The following SOX5 variants were observed in gnomAD, a reference collection of about 807,000 sequenced individuals.
SOX5 encodes transcription factor SOX-5.
In SOX5, 9 loss-of-function variants were observed where a neutral mutation model predicts 92.0. The observed-to-expected ratio is 0.10, with a 90% CI of 0.06 to 0.17. SOX5 has a LOEUF of 0.17. SOX5 is among the 10% of genes least tolerant of loss of function. The probability of loss-of-function intolerance (pLI) is 1.00; values close to 1 mark genes in which losing one functional copy is unlikely to be tolerated. For synonymous variants in SOX5, 344 were observed against 336.3 expected, an observed-to-expected ratio of 1.02 and a Z score of -0.25; for missense variants, 642 against 944.5, an observed-to-expected ratio of 0.68 and a Z score of 4.20.
At chr12:24,293,163 G>C (rs1340175269) in intron 2 of SOX5, among the ~76,000 whole-genome samples, 1 of 152,100 alleles carries the variant, frequency 6.6e-6, no homozygotes, top group Non-Finnish European at 1.5e-5. Context: ...TCCTCCAATG[G>C]CCACATCACC....
intron 4 of SOX5, among the ~76,000 whole-genome samples, chr12:24,014,633 A>G (rs1392939494): frequency 6.6e-6 from 1 of 152,176 alleles, no homozygotes; most frequent in Non-Finnish European, 1.5e-5. Context: ...TGAAAAGTCA[A>G]CTCATACCTT....
At position 24,009,990 on chromosome 12, in the gene SOX5, G is replaced by A. The variant is rs532844349; in HGVS notation, c.-1-113966C>T. Among the ~76,000 whole-genome samples the A allele has an allele frequency of 4.6e-5, 7 of 152,248 alleles. No individual in the cohort carries two copies. The East Asian group carries it at 5.8e-4, about 13-fold the overall frequency. The stretch of plus-strand genomic sequence containing the variant: ...AAGAAGATATCTTCCAGTACCTAGC[G>A]TGTTCCCATTAGCTGGTATTTTCTT... On this transcript the variant is annotated intron_variant, in intron 4 of 4. Transcript: ENST00000446891.
At chr12:24,398,872 G>C (rs1475799994) in intron 1 of SOX5, among the ~76,000 whole-genome samples, 3 of 151,368 alleles carry the variant, frequency 2.0e-5, no homozygotes, top group Non-Finnish European at 4.4e-5. Context: ...CCAGTGCTGT[G>C]GACACGTGCA....
rs1938801896 is a variant in SOX5 at position 23,530,759 on chromosome 12, A to G, written c.*3460T>C. ...GAAACGGACTACAACAACTATAAAAACCAGAATTCTGGCAAGATTATTTCT... is the reference window on the plus strand; with the variant it reads ...GAAACGGACTACAACAACTATAAAAGCCAGAATTCTGGCAAGATTATTTCT... On this transcript the variant is annotated 3_prime_UTR_variant, in exon 15 of 15. Coordinates refer to ENST00000451604, the MANE Select transcript of SOX5 (RefSeq NM_006940.6). 7.1e-6 allele frequency: 1 copy of G among 139,976 alleles called. No homozygotes were observed. Among genetic ancestry groups the G allele is most frequent in the Non-Finnish European group, 1.6e-5 (1 of 64,474 alleles). 8.7% of individuals were successfully genotyped at this position (139,976 alleles called of 1,614,324 possible). A position where few individuals can be genotyped will look rare whatever the true frequency, so the allele number is the denominator to read the frequency against.
At chr12:24,324,802 T>TG (rs1379774388) in intron 2 of SOX5, among the ~76,000 whole-genome samples, 60 of 152,252 alleles carry the variant, frequency 3.9e-4, no homozygotes, top group Middle Eastern at 6.8e-3. Context: ...AACGAATTAA[T>TG]ACATATGGGA....
chr12:24,506,878 C>T (rs1307276517), intron 1 of SOX5, among the ~76,000 whole-genome samples: 2 of 147,064 alleles, frequency 1.4e-5, no homozygotes, highest in Non-Finnish European at 3.0e-5. Flanking sequence ...GTAAGCTCCG[C>T]CTCCCGGGTT....
chr12:24,423,057 G>A (rs147538065), intron 1 of SOX5, among the ~76,000 whole-genome samples: 52 of 152,242 alleles, frequency 3.4e-4, no homozygotes, highest in Middle Eastern at 3.4e-3. Context: ...TCAGGATTGT[G>A]AATTGTTTGA....
At chr12:24,036,125 T>C (rs1044819862) in intron 4 of SOX5, among the ~76,000 whole-genome samples, 1 of 152,076 alleles carries the variant, frequency 6.6e-6, no homozygotes, top group Non-Finnish European at 1.5e-5. Context: ...GCCAATATAA[T>C]TGGCACCACT....
intron 4 of SOX5, among the ~76,000 whole-genome samples, chr12:23,979,598 T>C (rs1949285087): frequency 6.6e-6 from 1 of 151,244 alleles, no homozygotes; most frequent in South Asian, 2.1e-4. Context: ...AATGTAATCT[T>C]ACATCTTAAT....
rs528067218 is a variant in SOX5, at chr12:24,089,550, T to G, written c.-2+123793A>C. ...TATAATCAAATAGAAAAATTAAATGTTTGTTAAATTATTTTTATAATTAAC... is the reference window on the plus strand; with the variant it reads ...TATAATCAAATAGAAAAATTAAATGGTTGTTAAATTATTTTTATAATTAAC... On this transcript the variant is annotated intron_variant, in intron 4 of 4. Coordinates refer to the SOX5 transcript ENST00000446891. 3.3e-5 allele frequency among the ~76,000 whole-genome samples: 5 copies of G among 152,270 alleles called. No homozygotes were observed. In the East Asian group the frequency reaches 7.7e-4, roughly 23 times the overall value.
At chr12:24,059,948 A>C (rs1468439710) in intron 4 of SOX5, among the ~76,000 whole-genome samples, 1 of 152,214 alleles carries the variant, frequency 6.6e-6, no homozygotes, top group Non-Finnish European at 1.5e-5. Flanking sequence ...ATGATATAAA[A>C]ATGTAAACAA....
intron 1 of SOX5, among the ~76,000 whole-genome samples, chr12:24,439,668 G>A (rs1236362615): frequency 6.6e-6 from 1 of 152,212 alleles, no homozygotes; most frequent in Non-Finnish European, 1.5e-5. Flanking sequence ...GCCAACGCGG[G>A]TGGAGGAAGA....
At chr12:23,765,653 A>G (rs1050745818) in intron 3 of SOX5, among the ~76,000 whole-genome samples, 1 of 152,108 alleles carries the variant, frequency 6.6e-6, no homozygotes, top group African/African-American at 2.4e-5. Flanking sequence ...TTTCTGAACT[A>G]TATGAAAGGT....
chr12:23,689,157 T>C (rs1224638277), intron 6 of SOX5, among the ~76,000 whole-genome samples: 1 of 152,156 alleles, frequency 6.6e-6, no homozygotes, highest in East Asian at 1.9e-4. Flanking sequence ...TAGCCCTTCT[T>C]AATGCTTAAG....
intron 3 of SOX5, among the ~76,000 whole-genome samples, chr12:24,265,673 G>A (rs1244788966): frequency 6.6e-6 from 1 of 152,178 alleles, no homozygotes; most frequent in Non-Finnish European, 1.5e-5. Context: ...ACATACAATT[G>A]AGAAGAATAA....
At chr12:23,871,657 A>G (rs1247754453) in intron 2 of SOX5, among the ~76,000 whole-genome samples, 1 of 152,164 alleles carries the variant, frequency 6.6e-6, no homozygotes, top group African/African-American at 2.4e-5. Flanking sequence ...AAAATAAATA[A>G]ATAAATACAA....
chr12:24,345,366 C>T (rs1595788348), intron 2 of SOX5, among the ~76,000 whole-genome samples: 2 of 152,144 alleles, frequency 1.3e-5, no homozygotes, highest in Admixed American at 1.3e-4. Flanking sequence ...AACTTCCAAG[C>T]CAGCTCAAGT....
chr12:24,278,737 C>A (rs909719193), intron 2 of SOX5, among the ~76,000 whole-genome samples: 3 of 151,918 alleles, frequency 2.0e-5, no homozygotes, highest in Admixed American at 6.6e-5. Flanking sequence ...AAAAGCCAAC[C>A]AAAACAACAA....
At chr12:23,606,894 G>A (rs774696397) in intron 8 of SOX5, among the ~76,000 whole-genome samples, 1 of 151,888 alleles carries the variant, frequency 6.6e-6, no homozygotes, top group Non-Finnish European at 1.5e-5. Context: ...GATAGACCCA[G>A]TTGAATATGC....
Sources: gnomAD v4.1 joint callset for allele counts (sites outside exome capture counted in the v4.1 genomes callset) on GRCh38, gnomAD v4.1.1 for gene constraint, MANE v1.5 for transcripts, NCBI Gene and HGNC (gene_info 2026-07-23, HGNC 2026-07-21) for gene names.